NKIRAS1: variants seen among roughly 807,000 people sequenced by gnomAD.
NKIRAS1 encodes the protein NF-kappa-B inhibitor-interacting Ras-like protein 1.
A neutral mutation model predicts 19.8 loss-of-function variants in NKIRAS1; 16 were observed. The observed-to-expected ratio is 0.81, with a 90% CI of 0.55 to 1.23. NKIRAS1 has a LOEUF of 1.23. Among genes scored for constraint, NKIRAS1 ranks in the 50% most tolerant of loss-of-function variants. The pLI, the probability that NKIRAS1 is intolerant of heterozygous loss-of-function variation, is 0.00. For synonymous variants in NKIRAS1, 88 were observed against 79.0 expected (o/e 1.11, Z -0.61); for missense variants, 184 against 220.0 (o/e 0.84, Z 1.04).
At chr3:23,930,217 G>T (rs945014763) in intron 1 of NKIRAS1, among the ~76,000 whole-genome samples, 9 of 152,168 alleles carry the variant, frequency 5.9e-5, no homozygotes, top group African/African-American at 2.2e-4. Flanking sequence ...TCTAGAAGGG[G>T]TGGCTGAGTG....
At chr3:23,944,263 G>C (rs1452026740) in intron 1 of NKIRAS1, among the ~76,000 whole-genome samples, 1 of 152,152 alleles carries the variant, frequency 6.6e-6, no homozygotes, top group African/African-American at 2.4e-5. Flanking sequence ...CCTGGGGGGT[G>C]GGGAAATAGG....
intron 3 of NKIRAS1, among the ~76,000 whole-genome samples, chr3:23,903,783 A>G (rs1046739062): frequency 1.3e-5 from 2 of 152,204 alleles, no homozygotes; most frequent in African/African-American, 4.8e-5. Context: ...GAGAACACAG[A>G]GGAAAGAAAG....
intron 1 of NKIRAS1, among the ~76,000 whole-genome samples, chr3:23,938,313 G>A (rs1420029006): frequency 3.4e-5 from 5 of 149,122 alleles, no homozygotes; most frequent in African/African-American, 1.2e-4. Context: ...AGGCTCAAAC[G>A]ATCCTCCCAT....
intron 1 of NKIRAS1, among the ~76,000 whole-genome samples, chr3:23,915,189 C>A (rs1239621089): frequency 6.6e-6 from 1 of 152,128 alleles, no homozygotes; most frequent in Non-Finnish European, 1.5e-5. Flanking sequence ...TTATAAGAGA[C>A]ACACAGGAGT....
chr3:23,945,832 C>T (rs948267211), intron 1 of NKIRAS1, among the ~76,000 whole-genome samples: 1 of 150,864 alleles, frequency 6.6e-6, no homozygotes, highest in Non-Finnish European at 1.5e-5. Flanking sequence ...CCGGCCCCCC[C>T]CTCACATGGC....
intron 1 of NKIRAS1, 163 bp downstream of exon 1, chr3:23,916,621 G>A (rs557722152): frequency 6.6e-6 from 1 of 152,444 alleles, no homozygotes; most frequent in African/African-American, 2.4e-5. Flanking sequence ...CTCCGCGAAG[G>A]CCTCCCTGGG....
chr3:23,919,114 A>G (rs1451002911), upstream of NKIRAS1: 3 of 914,658 alleles, frequency 3.3e-6, no homozygotes, highest in East Asian at 2.4e-5. Context: ...GTGGTGAACT[A>G]GAGTTGAGAA....
upstream of NKIRAS1, chr3:23,917,901 G>A (rs1239461605): frequency 6.8e-6 from 11 of 1,613,082 alleles, no homozygotes; most frequent in Non-Finnish European, 7.6e-6. Context: ...GGAGAAAGAA[G>A]CAGTCTGATG....
At position 23,900,838 on chromosome 3, in the gene NKIRAS1, T is replaced by C. The variant is rs781071161; in HGVS notation, c.306A>G (p.Lys102=). The C allele has an allele frequency of 2.5e-6, 4 of 1,613,982 alleles. No individual in the cohort carries two copies. Among genetic ancestry groups the C allele is most frequent in the South Asian group, 1.1e-5 (1 of 91,076 alleles). Residue 102 remains lysine, a synonymous_variant, in exon 4 of 5, where the codon AAA becomes AAG. Transcript: ENST00000425478. ...ESFQRVELLK[K]EIDKFKDKKE... ...TTTTGTCTTTGAACTTATCGATTTC[T>C]TTCTTCAGAAGCTCCACTCTTTGAA...
In NKIRAS1 at chr3:23,900,838, T is replaced by A. The variant is rs781071161; in HGVS notation, c.306A>T (p.Lys102Asn). 6.2e-7 allele frequency: 1 copy of A among 1,613,982 alleles called. No individual in the cohort carries two copies. Among genetic ancestry groups the A allele is most frequent in the East Asian group, 2.2e-5 (1 of 44,876 alleles). Reference sequence around the variant, plus strand: ...TTTTGTCTTTGAACTTATCGATTTCTTTCTTCAGAAGCTCCACTCTTTGAA... The same window carrying A: ...TTTTGTCTTTGAACTTATCGATTTCATTCTTCAGAAGCTCCACTCTTTGAA... ...ESFQRVELLK[K>N]EIDKFKDKKE... is the part of the protein sequence containing the mutation. The change falls in exon 4 of 5, where the codon AAA becomes AAT. Residue 102 changes from lysine (K) to asparagine (N), a missense_variant. Lys to Asn is a moderately conservative substitution (Grantham distance 94). Coordinates refer to ENST00000425478, the MANE Select transcript of NKIRAS1 (RefSeq NM_020345.4).
intron 3 of NKIRAS1, among the ~76,000 whole-genome samples, chr3:23,904,932 C>A (rs1702874682): frequency 6.6e-6 from 1 of 152,140 alleles, no homozygotes; most frequent in South Asian, 2.1e-4. Flanking sequence ...TAGTTTCATG[C>A]AATAGAATGT....
chr3:23,928,470 T>C (rs1705248161), intron 1 of NKIRAS1, among the ~76,000 whole-genome samples: 1 of 151,916 alleles, frequency 6.6e-6, no homozygotes, highest in Non-Finnish European at 1.5e-5. Context: ...GTTTGGCTTG[T>C]ACAGAAAAAT....
At chr3:23,939,801 A>G (rs1705460112) in intron 1 of NKIRAS1, among the ~76,000 whole-genome samples, 1 of 152,174 alleles carries the variant, frequency 6.6e-6, no homozygotes, top group Non-Finnish European at 1.5e-5. Flanking sequence ...GTTGATATCA[A>G]TCAAAGAGAT....
intron 1 of NKIRAS1, chr3:23,945,511 A>AGGC (rs369955272): frequency 0.42 from 384,635 of 926,314 alleles, 79,984 homozygotes; most frequent in South Asian, 0.49. Flanking sequence ...CGCGGCGCTG[A>AGGC]GGCGGCGGCG....
chr3:23,944,862 G>A (rs993083635), intron 1 of NKIRAS1, among the ~76,000 whole-genome samples: 3 of 151,646 alleles, frequency 2.0e-5, no homozygotes, highest in African/African-American at 7.3e-5. Flanking sequence ...GGGCGCAAGG[G>A]TTGAGCAAGC....
At chr3:23,944,564 A>G (rs1705577466) in intron 1 of NKIRAS1, among the ~76,000 whole-genome samples, 1 of 152,182 alleles carries the variant, frequency 6.6e-6, no homozygotes, top group Non-Finnish European at 1.5e-5. Flanking sequence ...TGAAACGCCC[A>G]GATCTTGACT....
intron 1 of NKIRAS1, among the ~76,000 whole-genome samples, chr3:23,914,932 C>T (rs963646837): frequency 6.6e-6 from 1 of 152,230 alleles, no homozygotes; most frequent in Non-Finnish European, 1.5e-5. Context: ...ACTTTTTAGT[C>T]ATCCTCACCT....
At chr3:23,903,523 AAAG>A (rs547233847) in intron 3 of NKIRAS1, among the ~76,000 whole-genome samples, 125 of 148,240 alleles carry the variant, frequency 8.4e-4, no homozygotes, top group African/African-American at 3.3e-3. Context: ...TATACAAAGA[AAAG>A]AAAACAAAAA....
At chr3:23,895,484 C>A (rs1701887878) in intron 4 of NKIRAS1, among the ~76,000 whole-genome samples, 2 of 152,150 alleles carry the variant, frequency 1.3e-5, no homozygotes, top group Non-Finnish European at 2.9e-5. Flanking sequence ...CCACTCATGT[C>A]CTTAATTCCT....
Sources: gnomAD v4.1 joint callset for allele counts (sites outside exome capture counted in the v4.1 genomes callset) on GRCh38, gnomAD v4.1.1 for gene constraint, MANE v1.5 for transcripts, NCBI Gene and HGNC (gene_info 2026-07-23, HGNC 2026-07-21) for gene names.